TEX11: variants seen among roughly 807,000 people sequenced by gnomAD.
TEX11 encodes testis expressed 11, also known as testis-expressed protein 11.
In TEX11, 7 loss-of-function variants were observed where a neutral mutation model predicts 84.4. The ratio of observed to expected loss-of-function variants is 0.08; its 90% confidence interval spans 0.05 to 0.16. The LOEUF is 0.16. Among genes scored for constraint, TEX11 ranks in the 10% least tolerant of loss-of-function variants. The pLI, the probability that TEX11 is intolerant of heterozygous loss-of-function variation, is 1.00. For missense variants in TEX11, 551 were observed against 660.5 expected (o/e 0.83, Z 1.82); for synonymous variants, 264 against 222.8 (o/e 1.18, Z -1.64).
At chrX:70,674,548 C>T (rs1381642771) in intron 15 of TEX11, among the ~76,000 whole-genome samples, 3 of 112,094 alleles carry the variant, frequency 2.7e-5, no homozygotes, top group Non-Finnish European at 5.6e-5. Context: ...TCTCTACAAC[C>T]TTGCCAGCAT....
At chrX:70,777,147 G>A (rs2091007302) in intron 9 of TEX11, among the ~76,000 whole-genome samples, 1 of 107,721 alleles carries the variant, frequency 9.3e-6, no homozygotes, top group Admixed American at 1.0e-4. Context: ...CAAAGTGCTG[G>A]GATTACAGCC....
At chrX:70,737,133 T>A (rs1334044836) in intron 11 of TEX11, among the ~76,000 whole-genome samples, 5 of 110,759 alleles carry the variant, frequency 4.5e-5, no homozygotes, top group Non-Finnish European at 9.5e-5. Context: ...GCTCAAAAAT[T>A]TAACTAGAGA....
chrX:70,660,024 G>GTACTGAA (rs2073759478), intron 16 of TEX11, among the ~76,000 whole-genome samples: 3 of 112,208 alleles, frequency 2.7e-5, no homozygotes, highest in African/African-American at 9.7e-5. Context: ...GCATGTGACT[G>GTACTGAA]TACTGAATAC....
the TEX11 span, among the ~76,000 whole-genome samples, chrX:70,513,781 C>T: frequency 1.6e-4 from 17 of 107,992 alleles, no homozygotes; most frequent in African/African-American, 5.2e-4. Context: ...ATGTGTTTAC[C>T]GAGAGCCGTG....
chrX:70,658,838 T>C (rs1403317751), intron 16 of TEX11, among the ~76,000 whole-genome samples: 1 of 111,355 alleles, frequency 9.0e-6, no homozygotes, highest in African/African-American at 3.3e-5. Flanking sequence ...CAAAACAGTA[T>C]AGTACTGAGA....
intron 9 of TEX11, among the ~76,000 whole-genome samples, chrX:70,765,070 A>G (rs904848897): frequency 8.9e-5 from 10 of 111,819 alleles, no homozygotes; most frequent in Non-Finnish European, 1.5e-4. Flanking sequence ...AAAATCCTCG[A>G]CAAAATATTA....
intron 2 of TEX11, among the ~76,000 whole-genome samples, chrX:70,887,234 C>T (rs1410937158): frequency 8.9e-6 from 1 of 111,786 alleles, no homozygotes; most frequent in Admixed American, 9.5e-5. Context: ...TTAGGTGCCA[C>T]CTTGGCCACA....
intron 16 of TEX11, among the ~76,000 whole-genome samples, chrX:70,656,113 G>GTATATATATA (rs774232604): frequency 1.8e-4 from 18 of 101,393 alleles, no homozygotes; most frequent in African/African-American, 4.6e-4. Flanking sequence ...AGGTAGCTGT[G>GTATATATATA]TATATATATA....
At position 70,569,520 on chromosome X, in the gene TEX11, T is replaced by C. The variant is rs748249948; in HGVS notation, c.2141-14720A>G. On this transcript the variant is annotated intron_variant, in intron 25 of 29. Coordinates refer to ENST00000374333, the MANE Select transcript of TEX11 (RefSeq NM_031276.3). ...TTTCCAGTTTTTCTGCTCTGTTTTT[T>C]CCCCATCTTTGTGGTTTTATCTACT... Among the ~76,000 whole-genome samples the C allele has an allele frequency of 2.7e-5, 3 of 111,539 alleles. No individual in the cohort carries two copies. The East Asian group carries it at 8.4e-4, about 31-fold the overall frequency.
intron 2 of TEX11, among the ~76,000 whole-genome samples, chrX:70,906,553 C>T (rs946382795): frequency 5.4e-5 from 6 of 110,658 alleles, no homozygotes; most frequent in African/African-American, 9.8e-5. Flanking sequence ...TTTGGGAGGC[C>T]GAGGCAGGTG....
intron 15 of TEX11, among the ~76,000 whole-genome samples, chrX:70,675,968 G>A (rs368035693): frequency 1.8e-5 from 2 of 111,700 alleles, no homozygotes; most frequent in Non-Finnish European, 3.8e-5. Flanking sequence ...ACTACTCTAG[G>A]TACCTCATGT....
At chrX:70,516,652 G>A in the TEX11 span, among the ~76,000 whole-genome samples, 6 of 110,950 alleles carry the variant, frequency 5.4e-5, no homozygotes, top group Non-Finnish European at 7.6e-5. Context: ...TTCCAATTCT[G>A]TGAAGAAAGT....
At chrX:70,908,289 C>T (rs1239879592) in intron 1 of TEX11, among the ~76,000 whole-genome samples, 1 of 110,665 alleles carries the variant, frequency 9.0e-6, no homozygotes, top group Non-Finnish European at 1.9e-5. Context: ...AGTGGCCCAC[C>T]ACAACTCCCC....
chrX:70,516,761 T>A, the TEX11 span, among the ~76,000 whole-genome samples: 9 of 110,759 alleles, frequency 8.1e-5, no homozygotes, highest in Non-Finnish European at 1.7e-4. Flanking sequence ...GAGCATGGAA[T>A]GTTCTTCCAT....
intron 9 of TEX11, among the ~76,000 whole-genome samples, chrX:70,805,174 T>C (rs2091211401): frequency 9.1e-6 from 1 of 109,934 alleles, no homozygotes; most frequent in South Asian, 3.9e-4. Flanking sequence ...AAGTCTCTTA[T>C]ATAAGTCATT....
chrX:70,555,929 C>A (rs1487090137), intron 25 of TEX11, among the ~76,000 whole-genome samples: 1 of 111,798 alleles, frequency 8.9e-6, no homozygotes, highest in Non-Finnish European at 1.9e-5. Context: ...TAAAAGTGTT[C>A]ATAATATTCC....
At chrX:70,821,296 A>T (rs1026385985) in intron 8 of TEX11, among the ~76,000 whole-genome samples, 1 of 112,069 alleles carries the variant, frequency 8.9e-6, no homozygotes, top group Non-Finnish European at 1.9e-5. Flanking sequence ...AACATTACTA[A>T]TTGATATGGT....
chrX:70,861,171 C>A (rs1347865018), intron 4 of TEX11, among the ~76,000 whole-genome samples: 4 of 101,658 alleles, frequency 3.9e-5, no homozygotes, highest in African/African-American at 7.2e-5. Flanking sequence ...ACGCCATTCT[C>A]CTGCCTCAGC....
At chrX:70,701,274 T>C (rs1368822579) in intron 13 of TEX11, among the ~76,000 whole-genome samples, 1 of 112,374 alleles carries the variant, frequency 8.9e-6, no homozygotes, top group Non-Finnish European at 1.9e-5. Flanking sequence ...GCTCACTCTC[T>C]TGTTAGAGAC....
Sources: gnomAD v4.1 joint callset for allele counts (sites outside exome capture counted in the v4.1 genomes callset) on GRCh38, gnomAD v4.1.1 for gene constraint, MANE v1.5 for transcripts, NCBI Gene and HGNC (gene_info 2026-07-23, HGNC 2026-07-21) for gene names.